Variants in NNMT observed in about 807,000 individuals in gnomAD.
NNMT encodes nicotinamide N-methyltransferase.
NNMT carries 10 observed loss-of-function variants against 11.7 expected under a neutral mutation model. The ratio of observed to expected loss-of-function variants is 0.85; its 90% CI spans 0.53 to 1.45. The LOEUF (loss-of-function observed/expected upper bound fraction) is 1.45. NNMT is among the 40% of genes most tolerant of loss of function. NNMT has a pLI of 0.00. For missense variants in NNMT, 381 were observed against 319.4 expected (o/e 1.19, Z -1.47); for synonymous variants, 143 against 133.8 (o/e 1.07, Z -0.48).
chr11:114,259,352 G>GC (rs960166982), intron 1 of NNMT, among the ~76,000 whole-genome samples: 8 of 150,194 alleles, frequency 5.3e-5, no homozygotes, highest in African/African-American at 7.5e-5. Flanking sequence ...CCCAGTGGGG[G>GC]GGGGGGAGCT....
At chr11:114,301,781 T>C (rs1298208899) in intron 2 of NNMT, among the ~76,000 whole-genome samples, 2 of 151,904 alleles carry the variant, frequency 1.3e-5, no homozygotes, top group Non-Finnish European at 2.9e-5. Context: ...GTGATAATGG[T>C]ATGCCAATGT....
intron 1 of NNMT, among the ~76,000 whole-genome samples, chr11:114,261,389 C>G (rs969975283): frequency 1.2e-4 from 18 of 152,172 alleles, no homozygotes; most frequent in African/African-American, 4.3e-4. Flanking sequence ...TGAGACCAGC[C>G]TGGCCAACAT....
rs1290228526 is a variant in NNMT at position 114,311,595 on chromosome 11, G to A, written c.363-450G>A. On this transcript the variant is annotated intron_variant, in intron 2 of 2. Coordinates refer to ENST00000299964, the MANE Select transcript of NNMT (RefSeq NM_006169.3). Reference sequence around the variant, plus strand: ...GATCAGCAACTACTGCAAAGATAATGTTTCAGCATTTGAAACCCCTTATTA... The same window carrying A: ...GATCAGCAACTACTGCAAAGATAATATTTCAGCATTTGAAACCCCTTATTA... Among the ~76,000 whole-genome samples the A allele has an allele frequency of 2.0e-5, 3 of 152,144 alleles. No homozygotes were observed. The East Asian group carries it at 5.8e-4, about 29-fold the overall frequency.
intron 1 of NNMT, among the ~76,000 whole-genome samples, chr11:114,258,383 G>A (rs1027946157): frequency 2.0e-5 from 3 of 152,250 alleles, no homozygotes; most frequent in East Asian, 1.9e-4. Flanking sequence ...GAGGCCCGGC[G>A]CCAGCAGAGG....
At chr11:114,308,710 A>T (rs980231075) in intron 2 of NNMT, among the ~76,000 whole-genome samples, 1 of 152,194 alleles carries the variant, frequency 6.6e-6, no homozygotes, top group Non-Finnish European at 1.5e-5. Flanking sequence ...CCCATGAGCT[A>T]AACATGAGGC....
chr11:114,262,573 G>A (rs1373438144), intron 1 of NNMT, among the ~76,000 whole-genome samples: 1 of 152,070 alleles, frequency 6.6e-6, no homozygotes, highest in African/African-American at 2.4e-5. Context: ...CCCTGCACTT[G>A]GCCTACAGAT....
intron 2 of NNMT, among the ~76,000 whole-genome samples, chr11:114,301,338 A>AT (rs1188536865): frequency 6.6e-6 from 1 of 152,242 alleles, no homozygotes; most frequent in African/African-American, 2.4e-5. Context: ...TAGTAGCTAT[A>AT]TTCATAATTG....
intron 2 of NNMT, among the ~76,000 whole-genome samples, chr11:114,303,101 T>A (rs926598264): frequency 3.3e-5 from 5 of 152,218 alleles, no homozygotes; most frequent in African/African-American, 1.2e-4. Flanking sequence ...ATATTTAAGA[T>A]CTTTTATATT....
intron 2 of NNMT, among the ~76,000 whole-genome samples, chr11:114,280,223 T>C (rs1222443231): frequency 3.9e-5 from 6 of 152,134 alleles, no homozygotes; most frequent in Non-Finnish European, 4.4e-5. Context: ...ATTTTCAGAA[T>C]GGGAGAAGCC....
At chr11:114,300,820 C>G (rs1042956010) in intron 2 of NNMT, among the ~76,000 whole-genome samples, 4 of 152,168 alleles carry the variant, frequency 2.6e-5, no homozygotes, top group African/African-American at 7.2e-5. Context: ...TCTACTTTTT[C>G]TGATGTTAAT....
rs74892624 is a variant in NNMT, at chr11:114,274,257, C to T, written c.-130+11323C>T. On this transcript the variant is annotated intron_variant, in intron 2 of 4. Coordinates refer to the NNMT transcript ENST00000535401. ...CCTCAGAGCCATGCTTCGATACTGA[C>T]GATTTAGAAATATTCTTGTTCTAAA... Among the ~76,000 whole-genome samples the T allele has an allele frequency of 3.6e-3, 555 of 152,328 alleles. 3 individuals are homozygous for T. The highest frequency in any genetic ancestry group is 0.023 in the East Asian group (118 of 5,182).
intron 2 of NNMT, among the ~76,000 whole-genome samples, chr11:114,273,788 TGA>T (rs1310489732): frequency 6.6e-6 from 1 of 152,042 alleles, no homozygotes; most frequent in African/African-American, 2.4e-5. Flanking sequence ...TGCAGTGAGC[TGA>T]GATCGCTCCA....
Position 114,313,066 on chromosome 11 carries a change from C to G in NNMT, c.*589C>G, listed in dbSNP as rs1217310716. 6.6e-6 allele frequency: 1 copy of G among 152,344 alleles called. No homozygotes were observed. The highest frequency in any genetic ancestry group is 1.5e-5 in the Non-Finnish European group (1 of 68,124). 9.4% of individuals were successfully genotyped at this position (152,344 alleles called of 1,614,324 possible). The stretch of plus-strand genomic sequence containing the variant: ...TAAGCTACAAAGATCACTCCATTTT[C>G]AAATTCAGACTCTGCCACTTATTAG... On this transcript the variant is annotated 3_prime_UTR_variant, in exon 3 of 3. Coordinates refer to ENST00000299964, the MANE Select transcript of NNMT (RefSeq NM_006169.3).
At chr11:114,259,880 C>A (rs1377717214) in intron 1 of NNMT, among the ~76,000 whole-genome samples, 1 of 152,194 alleles carries the variant, frequency 6.6e-6, no homozygotes. Flanking sequence ...CGGCTGGCTG[C>A]ACCCGTTCCC....
chr11:114,301,678 C>A (rs1043729964), intron 2 of NNMT, among the ~76,000 whole-genome samples: 15 of 151,874 alleles, frequency 9.9e-5, no homozygotes, highest in Admixed American at 3.3e-4. Context: ...CTGTACAGTA[C>A]TATAATGGTG....
intron 1 of NNMT, 128 bp downstream of exon 1, chr11:114,296,838 A>C: frequency 2.2e-6 from 2 of 901,968 alleles, no homozygotes; most frequent in Non-Finnish European, 3.5e-6. Context: ...TTATTTAACT[A>C]GGATAAAAAC....
upstream of NNMT, chr11:114,295,947 G>A (rs1014659710): frequency 3.3e-5 from 5 of 152,218 alleles, no homozygotes; most frequent in African/African-American, 1.2e-4. Flanking sequence ...TTTACAGAAA[G>A]CCTTATCCAG....
intron 2 of NNMT, among the ~76,000 whole-genome samples, chr11:114,277,547 G>T (rs1197434060): frequency 6.6e-6 from 1 of 152,196 alleles, no homozygotes; most frequent in Non-Finnish European, 1.5e-5. Flanking sequence ...AAGGATATTT[G>T]AGGGTAAGCC....
intron 2 of NNMT, among the ~76,000 whole-genome samples, chr11:114,303,088 C>A (rs1941401): frequency 6.6e-6 from 1 of 152,236 alleles, no homozygotes; most frequent in African/African-American, 2.4e-5. Flanking sequence ...CTATATTATG[C>A]ATATATTTAA....
Sources: gnomAD v4.1 joint callset for allele counts (sites outside exome capture counted in the v4.1 genomes callset) on GRCh38, gnomAD v4.1.1 for gene constraint, MANE v1.5 for transcripts, NCBI Gene and HGNC (gene_info 2026-07-23, HGNC 2026-07-21) for gene names.